Variants in ATF6 observed in about 807,000 individuals in gnomAD.
ATF6 encodes the protein cyclic AMP-dependent transcription factor ATF-6 alpha.
ATF6 carries 53 observed loss-of-function variants against 83.6 expected under a neutral mutation model. The observed-to-expected ratio is 0.63, with a 90% CI of 0.51 to 0.80. ATF6 has a LOEUF of 0.80. Among genes scored for constraint, ATF6 ranks in the 30% least tolerant of loss-of-function variants. The pLI, the probability that ATF6 is intolerant of heterozygous loss-of-function variation, is 0.00. For missense variants in ATF6, 744 were observed against 797.9 expected (o/e 0.93, Z 0.81); for synonymous variants, 288 against 285.8 (o/e 1.01, Z -0.08).
chr1:161,904,994 T>C (rs1428990412), intron 14 of ATF6, among the ~76,000 whole-genome samples: 1 of 152,236 alleles, frequency 6.6e-6, no homozygotes, highest in Non-Finnish European at 1.5e-5. Flanking sequence ...AGGGGCATTT[T>C]ATAGTCCTCC....
At chr1:161,804,179 T>C (rs1347782046) in intron 7 of ATF6, among the ~76,000 whole-genome samples, 2 of 152,074 alleles carry the variant, frequency 1.3e-5, no homozygotes, top group Non-Finnish European at 2.9e-5. Flanking sequence ...ATGTTTCTTA[T>C]ATAATACCCC....
At chr1:161,906,425 GAA>G in intron 14 of ATF6, among the ~76,000 whole-genome samples, 1 of 152,286 alleles carries the variant, frequency 6.6e-6, no homozygotes, top group South Asian at 2.1e-4. Flanking sequence ...TGAACCTTAT[GAA>G]ATTACTGATA....
chr1:161,787,366 T>A (rs530374149), intron 4 of ATF6, among the ~76,000 whole-genome samples: 23 of 152,376 alleles, frequency 1.5e-4, no homozygotes, highest in African/African-American at 5.3e-4. Flanking sequence ...TTATTTATTC[T>A]GATTCTTACA....
intron 7 of ATF6, among the ~76,000 whole-genome samples, chr1:161,807,017 T>C (rs1034859758): frequency 1.3e-5 from 2 of 152,050 alleles, no homozygotes; most frequent in African/African-American, 4.8e-5. Context: ...ACCATGTGTA[T>C]AGCAAGCAGA....
chr1:161,865,857 C>T (rs1686986127), intron 14 of ATF6, among the ~76,000 whole-genome samples: 1 of 151,968 alleles, frequency 6.6e-6, no homozygotes, highest in Non-Finnish European at 1.5e-5. Context: ...TTAATTTTAT[C>T]TTGATGACTG....
chr1:161,771,516 C>A (rs948577834), intron 1 of ATF6, among the ~76,000 whole-genome samples: 1 of 152,200 alleles, frequency 6.6e-6, no homozygotes, highest in Non-Finnish European at 1.5e-5. Flanking sequence ...TTCTCCTTTC[C>A]TCCTCCCTAA....
chr1:161,777,903 A>G (rs1427826003), intron 1 of ATF6, among the ~76,000 whole-genome samples: 1 of 152,204 alleles, frequency 6.6e-6, no homozygotes, highest in Non-Finnish European at 1.5e-5. Context: ...CCTATTACTT[A>G]TGAACCACAT....
chr1:161,801,001 C>T (rs1015457640), intron 6 of ATF6, among the ~76,000 whole-genome samples: 2 of 152,132 alleles, frequency 1.3e-5, no homozygotes, highest in African/African-American at 4.8e-5. Flanking sequence ...ACAGCATCAT[C>T]TTCATTGTCA....
In ATF6 at chr1:161,791,388, T is replaced by C; in HGVS notation, c.355-20T>C. 6.3e-7 allele frequency: 1 copy of C among 1,591,402 alleles called. No homozygotes were observed. The highest frequency in any genetic ancestry group is 1.1e-5 in the South Asian group (1 of 87,792). ...GCTTAAGGATTATACTCATTAATTTTTGTTTTTATTATGCTACAGGAGGAG... is the reference window on the plus strand; with the variant it reads ...GCTTAAGGATTATACTCATTAATTTCTGTTTTTATTATGCTACAGGAGGAG... On this transcript the variant is annotated intron_variant, in intron 4 of 15. Coordinates refer to ENST00000367942, the MANE Select transcript of ATF6 (RefSeq NM_007348.4).
intron 2 of ATF6, among the ~76,000 whole-genome samples, chr1:161,778,761 A>G (rs1457431970): frequency 6.6e-6 from 1 of 152,206 alleles, no homozygotes; most frequent in African/African-American, 2.4e-5. Flanking sequence ...AGCTCTGAAA[A>G]GTAGGTGTAT....
chr1:161,809,070 G>A (rs891873071), intron 7 of ATF6, among the ~76,000 whole-genome samples: 3 of 152,012 alleles, frequency 2.0e-5, no homozygotes, highest in Admixed American at 2.0e-4. Flanking sequence ...TATACTTTAA[G>A]TTCTAGGGTA....
intron 15 of ATF6, among the ~76,000 whole-genome samples, chr1:161,940,624 T>C (rs1279966490): frequency 7.1e-6 from 1 of 140,870 alleles, no homozygotes; most frequent in African/African-American, 2.6e-5. Context: ...AGTGGCACAA[T>C]CTTGGCTCAC....
chr1:161,791,949 G>C (rs1684888732), intron 5 of ATF6, among the ~76,000 whole-genome samples, 175 bp from the exon 6 acceptor site: 1 of 152,174 alleles, frequency 6.6e-6, no homozygotes, highest in South Asian at 2.1e-4. Flanking sequence ...AACAGTTTAA[G>C]TACTTTTCTT....
At chr1:161,794,307 G>A (rs976397910) in intron 6 of ATF6, among the ~76,000 whole-genome samples, 3 of 152,122 alleles carry the variant, frequency 2.0e-5, no homozygotes, top group Admixed American at 1.3e-4. Flanking sequence ...AGGAAGAAGG[G>A]AAGTATGGGC....
chr1:161,831,894 T>C (rs1478838071), intron 9 of ATF6, among the ~76,000 whole-genome samples: 4 of 151,202 alleles, frequency 2.6e-5, no homozygotes, highest in Admixed American at 6.6e-5. Context: ...TATGTATATA[T>C]GTAACAAACC....
At chr1:161,793,163 G>T (rs1206887291) in intron 6 of ATF6, among the ~76,000 whole-genome samples, 1 of 152,132 alleles carries the variant, frequency 6.6e-6, no homozygotes, top group Non-Finnish European at 1.5e-5. Flanking sequence ...TCGTTTTTTG[G>T]AGCATAGTTT....
intron 10 of ATF6, among the ~76,000 whole-genome samples, chr1:161,850,035 A>G (rs1686579182): frequency 6.6e-6 from 1 of 152,158 alleles, no homozygotes; most frequent in Non-Finnish European, 1.5e-5. Flanking sequence ...CCACAAACCT[A>G]GTCCATGCCA....
At chr1:161,947,127 T>C (rs1688762468) in intron 15 of ATF6, among the ~76,000 whole-genome samples, 1 of 152,200 alleles carries the variant, frequency 6.6e-6, no homozygotes, top group African/African-American at 2.4e-5. Context: ...GAGAAGACTT[T>C]ATTCAAGGGA....
chr1:161,886,456 G>T (rs1261190820), intron 14 of ATF6, among the ~76,000 whole-genome samples: 2 of 152,122 alleles, frequency 1.3e-5, no homozygotes, highest in Admixed American at 6.5e-5. Flanking sequence ...GCATTGTCAG[G>T]CAATTTCTTC....
Sources: gnomAD v4.1 joint callset for allele counts (sites outside exome capture counted in the v4.1 genomes callset) on GRCh38, gnomAD v4.1.1 for gene constraint, MANE v1.5 for transcripts, NCBI Gene and HGNC (gene_info 2026-07-23, HGNC 2026-07-21) for gene names.